The following CDH13 variants were observed in gnomAD, a reference collection of about 807,000 sequenced individuals.
The protein encoded by CDH13 is cadherin 13.
Under a neutral mutation model 63.8 loss-of-function variants are expected in CDH13, and 24 were observed. The observed-to-expected ratio is 0.38, with a 90% CI of 0.27 to 0.53. The LOEUF is 0.53. CDH13 is among the 20% of genes least tolerant of loss of function. The probability of loss-of-function intolerance (pLI) is 0.85; values close to 1 mark genes in which losing one functional copy is unlikely to be tolerated. For synonymous variants in CDH13, 503 were observed against 355.3 expected (o/e 1.42, Z -4.67); for missense variants, 1,049 against 903.1 (o/e 1.16, Z -2.07).
At chr16:83,675,293 C>T (rs545503491) in intron 9 of CDH13, among the ~76,000 whole-genome samples, 38 of 152,270 alleles carry the variant, frequency 2.5e-4, no homozygotes, top group African/African-American at 6.0e-4. Context: ...TGGCCCTGGG[C>T]ATCATACAGC....
In CDH13 at chr16:83,654,015, G is replaced by A. The variant is rs978849312; in HGVS notation, c.1102-16775G>A. 3.9e-5 allele frequency among the ~76,000 whole-genome samples: 6 copies of A among 152,036 alleles called. No individual in the cohort carries two copies. In the East Asian group the frequency reaches 1.2e-3, roughly 29 times the overall value. ...GGTGGGGGAATTAACATACTGACAG[G>A]GAATGAACAAATGGGTGGGGTAATG... is the stretch of plus-strand genomic sequence containing the variant. On this transcript the variant is annotated intron_variant, in intron 8 of 13. Coordinates refer to ENST00000567109, the MANE Select transcript of CDH13 (RefSeq NM_001257.5).
chr16:83,779,132 T>C (rs1440675834), intron 11 of CDH13, among the ~76,000 whole-genome samples: 4 of 152,048 alleles, frequency 2.6e-5, no homozygotes, highest in Non-Finnish European at 5.9e-5. Context: ...TAAGGCCGGA[T>C]GCGGTGGCTC....
chr16:83,277,381 G>T (rs77359183), intron 5 of CDH13, among the ~76,000 whole-genome samples: 1 of 152,050 alleles, frequency 6.6e-6, no homozygotes, highest in Non-Finnish European at 1.5e-5. Context: ...ACCATACTCC[G>T]AACCTACTGA....
At chr16:82,628,379 G>C (rs1475963349) in intron 1 of CDH13, among the ~76,000 whole-genome samples, 1 of 152,158 alleles carries the variant, frequency 6.6e-6, no homozygotes, top group Non-Finnish European at 1.5e-5. Flanking sequence ...CGGGTGAAAG[G>C]CAGGGGAAGG....
intron 10 of CDH13, among the ~76,000 whole-genome samples, chr16:83,740,980 G>A (rs1040921023): frequency 2.0e-5 from 3 of 152,196 alleles, no homozygotes; most frequent in African/African-American, 7.2e-5. Flanking sequence ...AGTCAGGCAG[G>A]TCCAGATGGA....
chr16:83,432,739 A>G (rs2072159409), intron 6 of CDH13, among the ~76,000 whole-genome samples: 1 of 152,150 alleles, frequency 6.6e-6, no homozygotes, highest in African/African-American at 2.4e-5. Context: ...GTTGGATGGC[A>G]CAGGCAGCTG....
At chr16:83,498,663 C>G (rs764572861) in intron 7 of CDH13, among the ~76,000 whole-genome samples, 1 of 152,152 alleles carries the variant, frequency 6.6e-6, no homozygotes, top group Non-Finnish European at 1.5e-5. Flanking sequence ...CCCTATCAGC[C>G]CATCTCCAAA....
intron 6 of CDH13, among the ~76,000 whole-genome samples, chr16:83,400,304 A>G (rs185588257): frequency 3.9e-5 from 6 of 152,224 alleles, no homozygotes; most frequent in Admixed American, 2.0e-4. Flanking sequence ...GGTGTTAGAG[A>G]TCAAGTGTTT....
intron 7 of CDH13, among the ~76,000 whole-genome samples, chr16:83,556,585 C>A (rs538257885): frequency 2.0e-5 from 3 of 152,188 alleles, no homozygotes; most frequent in Admixed American, 6.5e-5. Flanking sequence ...GTGGTTCTGT[C>A]AGGATTTGAA....
At chr16:83,314,716 C>T (rs188650358) in intron 5 of CDH13, among the ~76,000 whole-genome samples, 2 of 152,254 alleles carry the variant, frequency 1.3e-5, no homozygotes, top group Admixed American at 6.5e-5. Context: ...ACTTAATAGG[C>T]GATTTTACTG....
intron 1 of CDH13, among the ~76,000 whole-genome samples, chr16:82,735,835 A>C (rs1597438422): frequency 6.6e-6 from 1 of 152,194 alleles, no homozygotes. Flanking sequence ...TTCATTTTTA[A>C]CTTGGGTGCC....
intron 1 of CDH13, among the ~76,000 whole-genome samples, chr16:82,727,021 C>G (rs538631106): frequency 6.6e-6 from 1 of 152,174 alleles, no homozygotes; most frequent in South Asian, 2.1e-4. Flanking sequence ...TAATGAAGTG[C>G]CCAGGATTCC....
intron 1 of CDH13, among the ~76,000 whole-genome samples, chr16:82,836,357 G>A (rs1163002381): frequency 1.3e-5 from 2 of 152,070 alleles, no homozygotes; most frequent in Non-Finnish European, 2.9e-5. Context: ...GCCATGTTAA[G>A]CAGGCTGGTC....
At chr16:83,782,168 C>T (rs1915572959) in intron 12 of CDH13, among the ~76,000 whole-genome samples, 1 of 152,108 alleles carries the variant, frequency 6.6e-6, no homozygotes, top group South Asian at 2.1e-4. Flanking sequence ...TGTTGTCTCA[C>T]AGTTTTTTTT....
At chr16:83,034,640 A>T (rs1005149656) in intron 3 of CDH13, among the ~76,000 whole-genome samples, 1 of 152,204 alleles carries the variant, frequency 6.6e-6, no homozygotes, top group Admixed American at 6.5e-5. Flanking sequence ...GCTTGAATGC[A>T]TTTAGATGGC....
chr16:83,016,461 A>AT (rs533366792), intron 2 of CDH13, among the ~76,000 whole-genome samples: 73 of 152,278 alleles, frequency 4.8e-4, no homozygotes, highest in Admixed American at 1.9e-3. Context: ...ATGGAGATAA[A>AT]ACTGTAGGAA....
At chr16:83,291,867 A>G (rs910932183) in intron 5 of CDH13, among the ~76,000 whole-genome samples, 1 of 152,128 alleles carries the variant, frequency 6.6e-6, no homozygotes, top group African/African-American at 2.4e-5. Flanking sequence ...GTGTTCTATG[A>G]TTCTTTTCCA....
At chr16:83,458,129 T>G (rs1005310785) in intron 6 of CDH13, among the ~76,000 whole-genome samples, 30 of 152,134 alleles carry the variant, frequency 2.0e-4, no homozygotes, top group African/African-American at 7.0e-4. Context: ...CCCCAGGGCT[T>G]TCCTCGTCTG....
intron 5 of CDH13, among the ~76,000 whole-genome samples, chr16:83,309,045 C>G (rs1200165713): frequency 3.3e-5 from 5 of 152,172 alleles, no homozygotes; most frequent in African/African-American, 1.2e-4. Context: ...ATGCCTCAGT[C>G]CTCAGAACCA....
Sources: gnomAD v4.1 joint callset for allele counts (sites outside exome capture counted in the v4.1 genomes callset) on GRCh38, gnomAD v4.1.1 for gene constraint, MANE v1.5 for transcripts, NCBI Gene and HGNC (gene_info 2026-07-23, HGNC 2026-07-21) for gene names.